Variants in USH2A observed in about 807,000 individuals in gnomAD.
USH2A encodes Usher syndrome 2A (autosomal recessive, mild).
USH2A carries 443 observed loss-of-function variants against 538.9 expected under a neutral mutation model. That is an observed-to-expected ratio of 0.82 (90% CI 0.76 to 0.89). The LOEUF (loss-of-function observed/expected upper bound fraction) is 0.89, where lower values mean the gene tolerates loss of function less well. Ranked by LOEUF, USH2A falls within the 40% of genes least tolerant of loss-of-function variation. The pLI is 0.00. For synonymous variants in USH2A, 2,413 were observed against 2,273.5 expected (o/e 1.06, Z -1.75); for missense variants, 6,633 against 6,324.8 (o/e 1.05, Z -1.65).
rs545237220 is a variant in USH2A, at chr1:216,020,844, A to G, written c.6326-20282T>C. ...GTTTGTCATCTGGCTGTTTATATGCATCCTTTAAAATAAACTGCAATAGTA... is the reference window on the plus strand; with the variant it reads ...GTTTGTCATCTGGCTGTTTATATGCGTCCTTTAAAATAAACTGCAATAGTA... On this transcript the variant is annotated intron_variant, in intron 32 of 71. Coordinates refer to ENST00000307340, the MANE Select transcript of USH2A (RefSeq NM_206933.4). 1.6e-4 allele frequency among the ~76,000 whole-genome samples: 25 copies of G among 152,296 alleles called. 1 individual carries two copies. In the South Asian group the frequency reaches 5.2e-3, roughly 32 times the overall value.
intron 61 of USH2A, among the ~76,000 whole-genome samples, chr1:215,702,239 G>T (rs1659048385): frequency 6.6e-6 from 1 of 152,078 alleles, no homozygotes; most frequent in African/African-American, 2.4e-5. Context: ...TTTGTCTCTG[G>T]CTGCCCTTAA....
intron 64 of USH2A, among the ~76,000 whole-genome samples, chr1:215,666,165 C>T (rs918059026): frequency 3.3e-5 from 5 of 152,180 alleles, no homozygotes; most frequent in Non-Finnish European, 5.9e-5. Context: ...ATGACTCAAA[C>T]TAGAAAAATC....
chr1:216,347,752 T>C (rs1378671313), intron 4 of USH2A, among the ~76,000 whole-genome samples: 2 of 152,138 alleles, frequency 1.3e-5, no homozygotes, highest in Non-Finnish European at 2.9e-5. Flanking sequence ...TATATGTCGT[T>C]CTAAAACTTT....
At chr1:216,388,500 G>A (rs933208849) in intron 3 of USH2A, among the ~76,000 whole-genome samples, 11 of 152,066 alleles carry the variant, frequency 7.2e-5, no homozygotes, top group Admixed American at 3.9e-4. Context: ...TGAATATTAT[G>A]ACTTGGAAGG....
intron 3 of USH2A, among the ~76,000 whole-genome samples, chr1:216,403,853 A>G (rs563656298): frequency 2.6e-5 from 4 of 152,160 alleles, no homozygotes; most frequent in African/African-American, 7.2e-5. Context: ...AGTTTCCCAC[A>G]TGCTGTTCTC....
chr1:215,783,047 C>T lies in USH2A; in HGVS notation c.10388-112G>A, dbSNP rs1257325707. On this transcript the variant is annotated intron_variant, in intron 52 of 71. Transcript: ENST00000307340. Reference sequence around the variant, plus strand: ...CATTTAAAAATAAATGTTTAATGCTCTAAACGCTTTGTATATAAATAAAAC... The same window carrying T: ...CATTTAAAAATAAATGTTTAATGCTTTAAACGCTTTGTATATAAATAAAAC... 4.3e-6 allele frequency: 4 copies of T among 937,996 alleles called. No individual in the cohort carries two copies. In the African/African-American group the frequency reaches 5.1e-5, roughly 12 times the overall value. 58.1% of individuals were successfully genotyped at this position (937,996 alleles called of 1,614,324 possible).
chr1:215,680,500 C>A, intron 61 of USH2A, 124 bp from the exon 62 acceptor site: 1 of 861,280 alleles, frequency 1.2e-6, no homozygotes. Context: ...AACACTACAG[C>A]AGAGTTTTGA....
chr1:216,089,269 A>G, intron 22 of USH2A, 130 bp from the exon 23 acceptor site: 1 of 1,014,470 alleles, frequency 9.9e-7, no homozygotes, highest in Non-Finnish European at 1.5e-6. Context: ...TACATTTCAA[A>G]CAGAACTCAA....
At chr1:215,630,840 ACT>A (rs1013736024) in intron 70 of USH2A, among the ~76,000 whole-genome samples, 9 of 150,264 alleles carry the variant, frequency 6.0e-5, no homozygotes, top group Admixed American at 4.7e-4. Context: ...ATGACAGAAG[ACT>A]CTGTCTCAAA....
intron 55 of USH2A, among the ~76,000 whole-genome samples, chr1:215,776,325 G>T (rs1256588631): frequency 6.6e-6 from 1 of 152,174 alleles, no homozygotes; most frequent in South Asian, 2.1e-4. Context: ...TTAAAGCATT[G>T]ATAACACCTC....
At chr1:215,673,516 C>A (rs1038076466) in intron 63 of USH2A, among the ~76,000 whole-genome samples, 4 of 152,294 alleles carry the variant, frequency 2.6e-5, no homozygotes, top group Middle Eastern at 3.4e-3. Context: ...CCATGCATGT[C>A]ACAGAGCCCA....
intron 64 of USH2A, among the ~76,000 whole-genome samples, chr1:215,659,240 C>A (rs1215365045): frequency 2.0e-5 from 3 of 152,112 alleles, no homozygotes; most frequent in Admixed American, 2.0e-4. Flanking sequence ...AGCTGGGAAA[C>A]AATTGGCAGA....
intron 4 of USH2A, among the ~76,000 whole-genome samples, chr1:216,362,799 C>A (rs1033568351): frequency 4.6e-5 from 7 of 151,522 alleles, no homozygotes; most frequent in African/African-American, 1.5e-4. Context: ...AAAAGTTAGG[C>A]GTGGTGGTGC....
At chr1:216,312,050 C>G (rs370482849) in intron 9 of USH2A, among the ~76,000 whole-genome samples, 1 of 152,128 alleles carries the variant, frequency 6.6e-6, no homozygotes, top group East Asian at 1.9e-4. Context: ...TTTTTTCTCT[C>G]TCTCTGAAGT....
At chr1:215,894,194 T>C (rs1665270397) in intron 40 of USH2A, among the ~76,000 whole-genome samples, 2 of 152,194 alleles carry the variant, frequency 1.3e-5, no homozygotes, top group Non-Finnish European at 2.9e-5. Context: ...CTACTGAAAC[T>C]TGTAGTTCCT....
chr1:215,891,800 C>T (rs772630891), intron 40 of USH2A, among the ~76,000 whole-genome samples: 1 of 152,064 alleles, frequency 6.6e-6, no homozygotes, highest in Non-Finnish European at 1.5e-5. Context: ...GGAGGGGAGA[C>T]TGGGAGTATG....
chr1:216,287,299 C>T lies in USH2A; in HGVS notation c.1971+1981G>A, dbSNP rs368846543. Reference sequence around the variant, plus strand: ...AAACTAGGAATAGAGAAAAATTTCTCCAACTTAAAAAATAACACTATCTAC... The same window carrying T: ...AAACTAGGAATAGAGAAAAATTTCTTCAACTTAAAAAATAACACTATCTAC... On this transcript the variant is annotated intron_variant, in intron 11 of 71. Transcript: ENST00000307340. 2.4e-4 allele frequency among the ~76,000 whole-genome samples: 37 copies of T among 152,228 alleles called. 3 individuals carry two copies. The highest frequency in any genetic ancestry group is 8.9e-4 in the African/African-American group (37 of 41,536).
intron 11 of USH2A, among the ~76,000 whole-genome samples, chr1:216,263,793 T>C (rs1235427838): frequency 6.6e-6 from 1 of 151,972 alleles, no homozygotes; most frequent in Non-Finnish European, 1.5e-5. Context: ...GAGACAGAAA[T>C]AACAGGAATA....
chr1:216,338,954 A>T (rs1478942125), intron 4 of USH2A, among the ~76,000 whole-genome samples: 2 of 151,628 alleles, frequency 1.3e-5, no homozygotes, highest in African/African-American at 4.8e-5. Context: ...TTTAGATAAC[A>T]GTTTGGCGAT....
Sources: gnomAD v4.1 joint callset for allele counts (sites outside exome capture counted in the v4.1 genomes callset) on GRCh38, gnomAD v4.1.1 for gene constraint, MANE v1.5 for transcripts, NCBI Gene and HGNC (gene_info 2026-07-23, HGNC 2026-07-21) for gene names.